CHD4: variants seen among roughly 807,000 people sequenced by gnomAD.
The protein encoded by CHD4 is chromodomain helicase DNA binding protein 4.
Under a neutral mutation model 235.5 loss-of-function variants are expected in CHD4, and 35 were observed. The observed-to-expected ratio is 0.15, with a 90% CI of 0.11 to 0.20. CHD4 has a LOEUF of 0.20. CHD4 is among the 10% of genes least tolerant of loss of function. CHD4 has a pLI of 1.00. For missense variants in CHD4, 1,329 were observed against 2,432.3 expected, an observed-to-expected ratio of 0.55 and a Z score of 9.54; for synonymous variants, 900 against 850.2, an observed-to-expected ratio of 1.06 and a Z score of -1.02.
At chr12:6,572,649 C>T (rs1488354746) in intron 38 of CHD4, among the ~76,000 whole-genome samples, 3 of 131,606 alleles carry the variant, frequency 2.3e-5, no homozygotes, top group African/African-American at 3.9e-5. Context: ...CTCCGCCTCC[C>T]GGGTTCCAAG....
intron 23 of CHD4, 126 bp from the exon 24 acceptor site, chr12:6,588,075 C>T: frequency 8.7e-7 from 1 of 1,151,628 alleles, no homozygotes; most frequent in Non-Finnish European, 1.2e-6. Context: ...TAGGAAACTT[C>T]CTTTTGCACC....
At chr12:6,585,573 C>T (rs1173036145) in intron 25 of CHD4, among the ~76,000 whole-genome samples, 3 of 151,844 alleles carry the variant, frequency 2.0e-5, no homozygotes, top group African/African-American at 7.3e-5. Flanking sequence ...TGAGCCACCA[C>T]GTCTGGCCCA....
chr12:6,597,509 A>C (rs753363556), intron 12 of CHD4, among the ~76,000 whole-genome samples: 55 of 152,130 alleles, frequency 3.6e-4, no homozygotes, highest in Non-Finnish European at 6.8e-4. Context: ...ACGCCTGTTA[A>C]TCCTAGCACT....
At chr12:6,592,112 T>C (rs1948410801) in intron 19 of CHD4, 55 bp from the exon 20 acceptor site, 3 of 1,599,600 alleles carry the variant, frequency 1.9e-6, no homozygotes, top group Admixed American at 1.7e-5. Flanking sequence ...CAATGACTAA[T>C]AATGCAGTGC....
At chr12:6,592,194 C>G in intron 19 of CHD4, 137 bp from the exon 20 acceptor site, 1 of 1,255,996 alleles carries the variant, frequency 8.0e-7, no homozygotes, top group Non-Finnish European at 1.1e-6. Context: ...AGCACTACCA[C>G]CACCACCATT....
At chr12:6,576,439 T>C (rs7303171) in intron 37 of CHD4, among the ~76,000 whole-genome samples, 34,081 of 152,096 alleles carry the variant, frequency 0.22, 5,183 homozygotes, top group African/African-American at 0.44. Context: ...TGCAGCCTCC[T>C]AAGTAGCTGG....
intron 2 of CHD4, 145 bp downstream of exon 2, chr12:6,606,129 G>A: frequency 3.4e-6 from 2 of 581,588 alleles, no homozygotes; most frequent in South Asian, 2.3e-5. Context: ...GAGCTCCGCA[G>A]AAGGGAACCA....
rs775187139 is a variant in CHD4 at position 6,581,277 on chromosome 12, AC to A, written c.4779+13del. The A allele has an allele frequency of 2.0e-4, 324 of 1,613,680 alleles. 1 individual carries two copies. Among genetic ancestry groups the A allele is most frequent in the Non-Finnish European group, 2.7e-4 (318 of 1,179,932 alleles). The stretch of plus-strand genomic sequence containing the variant: ...TTTGTCTTTAGTATGGCATTCAGTC[AC>A]CCCATCTCTTACCTCAATGGCAGTC... On this transcript the variant is annotated intron_variant, in intron 32 of 39. Coordinates refer to ENST00000544040, the MANE Select transcript of CHD4 (RefSeq NM_001273.5).
intron 38 of CHD4, chr12:6,571,421 G>T (rs1947966374): frequency 5.4e-6 from 1 of 185,464 alleles, no homozygotes; most frequent in Non-Finnish European, 1.1e-5. Context: ...GTTGAAAGGG[G>T]TCTAGAATTT....
At chr12:6,582,544 G>C (rs1379298180) in intron 29 of CHD4, 71 bp downstream of exon 29, 3 of 1,542,632 alleles carry the variant, frequency 1.9e-6, no homozygotes. Flanking sequence ...GCTAGGCCTA[G>C]AACCATGGAA....
chr12:6,604,832 C>T (rs549820322), intron 2 of CHD4, among the ~76,000 whole-genome samples: 1 of 152,114 alleles, frequency 6.6e-6, no homozygotes, highest in African/African-American at 2.4e-5. Context: ...TGCGCAGCTC[C>T]CGGTCAACAT....
At chr12:6,600,864 G>C in intron 7 of CHD4, 62 bp downstream of exon 7, 1 of 1,527,998 alleles carries the variant, frequency 6.5e-7, no homozygotes, top group African/African-American at 1.4e-5. Flanking sequence ...GGTTCTGATA[G>C]AAGGTCACAT....
At chr12:6,579,873 G>A (rs1331192152) in intron 33 of CHD4, among the ~76,000 whole-genome samples, 3 of 151,440 alleles carry the variant, frequency 2.0e-5, no homozygotes, top group East Asian at 3.9e-4. Flanking sequence ...TAGCTAACAC[G>A]GTGAAACCCC....
chr12:6,588,549 A>G (rs2136209922), intron 22 of CHD4, 127 bp from the exon 23 acceptor site: 2 of 1,001,450 alleles, frequency 2.0e-6, no homozygotes, highest in South Asian at 1.6e-5. Context: ...AGGCAGAGAC[A>G]GGTGGATCAT....
Position 6,570,535 on chromosome 12 carries a change from TGCACTGGG to T in CHD4, c.*133_*140del. The stretch of plus-strand genomic sequence containing the variant: ...CCCCTCACTCCCTCCCCTCCCCCAG[TGCACTGGG>T]GCTGTTCCTTTACAACATGGAAGAT... On this transcript the variant is annotated 3_prime_UTR_variant, in exon 40 of 40. Transcript: ENST00000544040. 1 of 981,460 alleles carries T rather than the reference TGCACTGGG, an allele frequency of 1.0e-6. No homozygotes were observed. The highest frequency in any genetic ancestry group is 1.5e-6 in the Non-Finnish European group (1 of 646,606). The allele number at this position is 981,460 out of a possible 1,614,324, so 60.8% of individuals were successfully genotyped here.
chr12:6,581,852 A>G (rs757830186), intron 30 of CHD4, 38 bp from the exon 31 acceptor site: 9 of 1,498,728 alleles, frequency 6.0e-6, no homozygotes, highest in African/African-American at 1.4e-5. Flanking sequence ...ACCCAATTCC[A>G]GCTACAGGCT....
chr12:6,580,011 G>A (rs1273919079), intron 33 of CHD4, among the ~76,000 whole-genome samples: 4 of 149,462 alleles, frequency 2.7e-5, no homozygotes, highest in African/African-American at 9.9e-5. Flanking sequence ...AGCCGAGATG[G>A]CGCCACTGCA....
At position 6,578,015 on chromosome 12, in the gene CHD4, C is replaced by A. The variant is rs1360126628; in HGVS notation, c.5228+14G>T. On this transcript the variant is annotated intron_variant, in intron 36 of 39. Transcript: ENST00000544040. ...TTCACCAAAAGCCTCAGTACAGATT[C>A]AGGCAAAGGATACTTTATAATGCCG... The A allele has an allele frequency of 6.2e-7, 1 of 1,611,756 alleles. No homozygotes were observed. Among genetic ancestry groups the A allele is most frequent in the Non-Finnish European group, 8.5e-7 (1 of 1,179,844 alleles).
Position 6,600,293 on chromosome 12 carries a change from G to A in CHD4, c.1166C>T (p.Pro389Leu). 6.2e-7 allele frequency: 1 copy of A among 1,614,142 alleles called. No homozygotes were observed. The highest frequency in any genetic ancestry group is 8.5e-7 in the Non-Finnish European group (1 of 1,180,026). ...GGEIILCDTCPRAYHMVCLDP... is the reference protein window; with the variant it reads ...GGEIILCDTCLRAYHMVCLDP... ...CAGGCAGACCATGTGGTAAGCACGG[G>A]GACAGGTATCACACAGGATGATCTC... Residue 389 changes from proline to leucine, a missense_variant, in exon 9 of 40, where the codon CCC (proline) becomes CTC (leucine). Coordinates refer to ENST00000544040, the MANE Select transcript of CHD4 (RefSeq NM_001273.5).
Sources: allele counts gnomAD v4.1 joint callset (sites outside exome capture counted in the v4.1 genomes callset), GRCh38; gene constraint gnomAD v4.1.1; transcripts MANE v1.5; gene names NCBI Gene and HGNC (gene_info 2026-07-23, HGNC 2026-07-21).